The following MACO1 variants were observed in gnomAD, a reference collection of about 807,000 sequenced individuals.
The protein encoded by MACO1 is macoilin.
MACO1 carries 14 observed loss-of-function variants against 78.7 expected under a neutral mutation model. That is an observed-to-expected ratio of 0.18 (90% CI 0.12 to 0.28). The LOEUF is 0.28. MACO1 is among the 10% of genes least tolerant of loss of function. The pLI, the probability that MACO1 is intolerant of heterozygous loss-of-function variation, is 1.00. For missense variants in MACO1, 501 were observed against 799.0 expected (o/e 0.63, Z 4.50); for synonymous variants, 288 against 291.6 (o/e 0.99, Z 0.12).
At chr1:25,491,326 G>T in intron 9 of MACO1, 84 bp from the exon 10 acceptor site, 2 of 1,568,628 alleles carry the variant, frequency 1.3e-6, no homozygotes, top group Non-Finnish European at 1.7e-6. Context: ...AGAATAGTGG[G>T]ATTTAATTTG....
At chr1:25,483,501 G>A (rs772264421) in intron 6 of MACO1, among the ~76,000 whole-genome samples, 1 of 152,188 alleles carries the variant, frequency 6.6e-6, no homozygotes, top group Non-Finnish European at 1.5e-5. Context: ...TTTACAGATG[G>A]AGTTCTCTTA....
chr1:25,469,349 T>C (rs1211054222), intron 6 of MACO1, among the ~76,000 whole-genome samples: 2 of 152,226 alleles, frequency 1.3e-5, no homozygotes, highest in Non-Finnish European at 2.9e-5. Flanking sequence ...TGGTTTAAGT[T>C]GGTGAGTGAG....
rs1041035395 is a variant in MACO1 at position 25,430,936 on chromosome 1, C to A, written c.-163C>A. The A allele has an allele frequency of 4.3e-6, 2 of 467,942 alleles. No individual in the cohort carries two copies. The highest frequency in any genetic ancestry group is 4.4e-5 in the Admixed American group (1 of 22,476). The allele number at this position is 467,942 out of a possible 1,614,324, so 29.0% of individuals were successfully genotyped here. Reference sequence around the variant, plus strand: ...TCCGAAGGCGGAGGAGGCTCCGAGCCCCCCCTCCCCGTGCTACCCCCTCCC... The same window carrying A: ...TCCGAAGGCGGAGGAGGCTCCGAGCACCCCCTCCCCGTGCTACCCCCTCCC... On this transcript the variant is annotated 5_prime_UTR_variant, in exon 1 of 11. Coordinates refer to ENST00000374343, the MANE Select transcript of MACO1 (RefSeq NM_018202.6).
At chr1:25,434,162 A>G (rs1178918532) in intron 1 of MACO1, among the ~76,000 whole-genome samples, 1 of 152,258 alleles carries the variant, frequency 6.6e-6, no homozygotes, top group East Asian at 1.9e-4. Context: ...GCATTTATAC[A>G]TATAAAACAT....
chr1:25,497,530 C>G (rs1260804109), intron 10 of MACO1, among the ~76,000 whole-genome samples: 2 of 152,038 alleles, frequency 1.3e-5, no homozygotes, highest in Non-Finnish European at 2.9e-5. Flanking sequence ...GGAAGTGGCC[C>G]GAGGTAGGCA....
chr1:25,487,758 C>G (rs1000119056), intron 8 of MACO1, among the ~76,000 whole-genome samples: 2 of 152,174 alleles, frequency 1.3e-5, no homozygotes, highest in African/African-American at 4.8e-5. Context: ...GTTCACCGCC[C>G]CCTGCTGGAC....
intron 1 of MACO1, among the ~76,000 whole-genome samples, chr1:25,443,191 T>G (rs78582117): frequency 0.015 from 2,313 of 152,272 alleles, 40 homozygotes; most frequent in South Asian, 0.047. Flanking sequence ...AGCAATTAAT[T>G]TAGGTTACTT....
intron 1 of MACO1, among the ~76,000 whole-genome samples, chr1:25,437,431 A>G (rs2042929643): frequency 6.7e-6 from 1 of 150,116 alleles, no homozygotes; most frequent in Non-Finnish European, 1.5e-5. Context: ...TACTGGGATT[A>G]TAGGCATGAG....
At chr1:25,446,579 T>C (rs1478859793) in intron 1 of MACO1, among the ~76,000 whole-genome samples, 183 bp from the exon 2 acceptor site, 1 of 152,188 alleles carries the variant, frequency 6.6e-6, no homozygotes, top group African/African-American at 2.4e-5. Flanking sequence ...GGTCTGAGAA[T>C]GAACACCAGA....
chr1:25,452,695 A>G (rs1328283096), intron 3 of MACO1, among the ~76,000 whole-genome samples: 1 of 147,432 alleles, frequency 6.8e-6, no homozygotes, highest in East Asian at 1.9e-4. Context: ...ATTACGGTGA[A>G]TTGTTTTTTT....
At chr1:25,439,730 T>C (rs1250451155) in intron 1 of MACO1, among the ~76,000 whole-genome samples, 1 of 151,164 alleles carries the variant, frequency 6.6e-6, no homozygotes, top group African/African-American at 2.4e-5. Flanking sequence ...CTCTTAAAAA[T>C]GATTGAGGCT....
chr1:25,462,461 C>G (rs2043180355), intron 6 of MACO1, among the ~76,000 whole-genome samples: 1 of 152,174 alleles, frequency 6.6e-6, no homozygotes, highest in Non-Finnish European at 1.5e-5. Context: ...CCCTCTCTTC[C>G]TCCTTTTCAA....
chr1:25,441,567 G>A (rs2042973373), intron 1 of MACO1, among the ~76,000 whole-genome samples: 1 of 152,184 alleles, frequency 6.6e-6, no homozygotes, highest in Non-Finnish European at 1.5e-5. Context: ...ATAAAACAGG[G>A]AACAAAATGG....
chr1:25,496,681 G>A (rs2043539992), intron 10 of MACO1, among the ~76,000 whole-genome samples: 1 of 149,840 alleles, frequency 6.7e-6, no homozygotes, highest in South Asian at 2.1e-4. Context: ...ACTGGACTGG[G>A]CAATAGGGAG....
chr1:25,481,114 T>C (rs1370250156), intron 6 of MACO1, among the ~76,000 whole-genome samples: 8 of 151,724 alleles, frequency 5.3e-5, no homozygotes, highest in Non-Finnish European at 2.9e-5. Flanking sequence ...TTATTTTTAG[T>C]TTGTGGTGGG....
chr1:25,443,905 G>A (rs2042992960), intron 1 of MACO1, among the ~76,000 whole-genome samples: 1 of 151,766 alleles, frequency 6.6e-6, no homozygotes, highest in South Asian at 2.1e-4. Context: ...TGGGGAAAAG[G>A]ATTAATCAGG....
chr1:25,484,404 ATACTT>A (rs1319842106), intron 7 of MACO1, 130 bp downstream of exon 7: 1 of 913,988 alleles, frequency 1.1e-6, no homozygotes, highest in East Asian at 3.0e-5. Context: ...AATGTTTAAA[ATACTT>A]TATTTAGTAC....
chr1:25,482,611 A>C (rs923899006), intron 6 of MACO1, among the ~76,000 whole-genome samples: 7 of 152,082 alleles, frequency 4.6e-5, no homozygotes, highest in Admixed American at 1.3e-4. Context: ...GTCAATCTCT[A>C]CCTGCTCTGC....
chr1:25,479,000 A>C (rs1262385949), intron 6 of MACO1, among the ~76,000 whole-genome samples: 2 of 152,132 alleles, frequency 1.3e-5, no homozygotes, highest in Non-Finnish European at 2.9e-5. Context: ...CTACTCTTTT[A>C]TCCCTTAAAA....
Sources: gnomAD v4.1 joint callset for allele counts (sites outside exome capture counted in the v4.1 genomes callset) on GRCh38, gnomAD v4.1.1 for gene constraint, MANE v1.5 for transcripts, NCBI Gene and HGNC (gene_info 2026-07-23, HGNC 2026-07-21) for gene names.